Variants in AFG2A observed in about 807,000 individuals in gnomAD.
AFG2A encodes AAA ATPase AFG2A.
the AFG2A span, among the ~76,000 whole-genome samples, chr4:123,255,808 C>T: frequency 2.6e-5 from 4 of 151,360 alleles, no homozygotes; most frequent in Middle Eastern, 3.4e-3. Context: ...GCGTGAGCCA[C>T]CGCGCCCAGC....
chr4:123,055,150 G>A, the AFG2A span, among the ~76,000 whole-genome samples: 3,009 of 152,244 alleles, frequency 0.02, 94 homozygotes, highest in African/African-American at 0.068. Flanking sequence ...TTCTGTTCAA[G>A]TGTATTCATT....
the AFG2A span, among the ~76,000 whole-genome samples, chr4:123,255,194 G>C: frequency 1.3e-5 from 2 of 152,096 alleles, no homozygotes; most frequent in Non-Finnish European, 1.5e-5. Flanking sequence ...CGAACTCCTG[G>C]ACTCAAGCAG....
chr4:122,973,880 G>A, the AFG2A span, among the ~76,000 whole-genome samples: 3 of 152,136 alleles, frequency 2.0e-5, no homozygotes, highest in African/African-American at 7.2e-5. Flanking sequence ...GACACACAGT[G>A]TTGCCCAGGC....
chr4:123,256,702 C>T, the AFG2A span: 17 of 985,198 alleles, frequency 1.7e-5, no homozygotes, highest in Non-Finnish European at 2.0e-5. Flanking sequence ...CATTCTCTCA[C>T]AGTAAAAGGG....
chr4:122,985,926 T>G, the AFG2A span, among the ~76,000 whole-genome samples: 1 of 151,958 alleles, frequency 6.6e-6, no homozygotes, highest in Non-Finnish European at 1.5e-5. Flanking sequence ...TGAACTTTCC[T>G]CTTAGCACTG....
the AFG2A span, among the ~76,000 whole-genome samples, chr4:123,050,617 A>G: frequency 4.3e-4 from 66 of 152,044 alleles, 1 homozygote; most frequent in East Asian, 1.3e-3. Context: ...ATATAAATAT[A>G]GCTACTCCTG....
the AFG2A span, among the ~76,000 whole-genome samples, chr4:123,181,039 C>T: frequency 1.4e-5 from 2 of 145,302 alleles, no homozygotes; most frequent in Non-Finnish European, 3.0e-5. Context: ...GGCTGGAGTG[C>T]AGTGGCGCGA....
chr4:123,024,227 C>CAAAAAAAAAAAAAAAGAAAA, the AFG2A span, among the ~76,000 whole-genome samples: 1 of 123,666 alleles, frequency 8.1e-6, no homozygotes, highest in African/African-American at 3.2e-5. Flanking sequence ...AGACTATAAG[C>CAAAAAAAAAAAAAAAGAAAA]AAAAAAAAAA....
the AFG2A span, among the ~76,000 whole-genome samples, chr4:122,973,947 G>A: frequency 1.3e-5 from 2 of 152,086 alleles, no homozygotes; most frequent in South Asian, 4.2e-4. Context: ...CAAAGTGTTG[G>A]GATTACAAGT....
the AFG2A span, among the ~76,000 whole-genome samples, chr4:123,145,818 T>A: frequency 6.6e-6 from 1 of 152,258 alleles, no homozygotes; most frequent in Non-Finnish European, 1.5e-5. Flanking sequence ...GCATCCTAAT[T>A]ACTGAAAACT....
chr4:123,017,547 T>TTA, the AFG2A span, among the ~76,000 whole-genome samples: 1 of 151,858 alleles, frequency 6.6e-6, no homozygotes, highest in African/African-American at 2.4e-5. Context: ...TTTATCTGTA[T>TTA]TAAAGAAGCA....
chr4:122,938,289 T>C, the AFG2A span: 1 of 1,462,222 alleles, frequency 6.8e-7, no homozygotes, highest in Non-Finnish European at 9.1e-7. Flanking sequence ...TAGGGTTAAT[T>C]CTTAATACTT....
the AFG2A span, among the ~76,000 whole-genome samples, chr4:123,245,384 A>C: frequency 2.6e-5 from 4 of 152,298 alleles, no homozygotes; most frequent in African/African-American, 9.6e-5. Flanking sequence ...TAAAGAGTGA[A>C]TTTTATAGAG....
the AFG2A span, among the ~76,000 whole-genome samples, chr4:123,019,195 A>G: frequency 6.6e-6 from 1 of 152,128 alleles, no homozygotes; most frequent in African/African-American, 2.4e-5. Flanking sequence ...TTATCCCCAT[A>G]TTATAGAAGA....
chr4:123,274,608 AC>A, the AFG2A span, among the ~76,000 whole-genome samples: 1 of 151,448 alleles, frequency 6.6e-6, no homozygotes, highest in East Asian at 1.9e-4. Flanking sequence ...AAAAAAAAAA[AC>A]CTATCATATC....
chr4:122,979,228 A>G, the AFG2A span: 2 of 1,613,418 alleles, frequency 1.2e-6, no homozygotes, highest in African/African-American at 1.3e-5. Context: ...TCCTCTCTTT[A>G]TAGGTCTCTG....
At chr4:123,004,081 C>T in the AFG2A span, among the ~76,000 whole-genome samples, 158 of 152,266 alleles carry the variant, frequency 1.0e-3, no homozygotes, top group African/African-American at 3.4e-3. Flanking sequence ...TAGGAATCAG[C>T]GAGACTCCGT....
the AFG2A span, among the ~76,000 whole-genome samples, chr4:122,936,309 T>C: frequency 6.6e-6 from 1 of 152,370 alleles, no homozygotes. Flanking sequence ...ATTCTATTTC[T>C]ATCTAATCTT....
chr4:122,939,154 C>T, the AFG2A span, among the ~76,000 whole-genome samples: 56 of 132,038 alleles, frequency 4.2e-4, no homozygotes, highest in Admixed American at 1.2e-3. Flanking sequence ...GGCACAATCT[C>T]GGCTCACCGC....
Sources: allele counts gnomAD v4.1 joint callset (sites outside exome capture counted in the v4.1 genomes callset), GRCh38; gene constraint gnomAD v4.1.1; transcripts MANE v1.5; gene names NCBI Gene and HGNC (gene_info 2026-07-23, HGNC 2026-07-21).